CASZ1: variants seen among roughly 807,000 people sequenced by gnomAD.
CASZ1 encodes zinc finger protein castor homolog 1.
Under a neutral mutation model 135.2 loss-of-function variants are expected in CASZ1, and 28 were observed. The observed-to-expected ratio is 0.21, with a 90% confidence interval of 0.15 to 0.28. The LOEUF (loss-of-function observed/expected upper bound fraction) is 0.28, where lower values mean the gene tolerates loss of function less well. CASZ1 is among the 10% of genes least tolerant of loss of function. CASZ1 has a pLI of 1.00. For synonymous variants in CASZ1, 1,068 were observed against 1,073.4 expected (o/e 0.99, Z 0.10); for missense variants, 2,161 against 2,453.3 (o/e 0.88, Z 2.52).
intron 1 of CASZ1, among the ~76,000 whole-genome samples, chr1:10,763,502 C>T (rs1432912987): frequency 6.6e-6 from 1 of 152,154 alleles, no homozygotes; most frequent in Admixed American, 6.5e-5. Flanking sequence ...TCTAGAAATG[C>T]CCAGAATCAC....
chr1:10,756,122 G>A lies in CASZ1; in HGVS notation c.-77+4579C>T, dbSNP rs1640250879. Among the ~76,000 whole-genome samples the A allele has an allele frequency of 6.6e-6, 1 of 152,042 alleles. No homozygotes were observed. The highest frequency in any genetic ancestry group is 1.5e-5 in the Non-Finnish European group (1 of 67,990). On this transcript the variant is annotated intron_variant, in intron 2 of 20. Coordinates refer to ENST00000377022, the MANE Select transcript of CASZ1 (RefSeq NM_001079843.3). This position sits in a 1 kb window ranked among gnomAD's most constrained non-coding sequence, Gnocchi z 5.9. ...GGAAGACTGGCTGACACGCCCCTCG[G>A]AGCCAGGCAGAGGCACCAGCTGTAG...
At position 10,720,973 on chromosome 1, in the gene CASZ1, A is replaced by T. The variant is rs1297168003; in HGVS notation, c.-76-15429T>A. 1.3e-5 allele frequency among the ~76,000 whole-genome samples: 2 copies of T among 152,146 alleles called. No individual in the cohort carries two copies. Among genetic ancestry groups the T allele is most frequent in the African/African-American group, 4.8e-5 (2 of 41,438 alleles). ...AGGGAAGTTCACCCTGCTCAGGGCC[A>T]CAACCGGCTCTGGAGGGAGGGATTT... is the stretch of plus-strand genomic sequence containing the variant. On this transcript the variant is annotated intron_variant, in intron 2 of 20. Coordinates refer to ENST00000377022, the MANE Select transcript of CASZ1 (RefSeq NM_001079843.3). This position sits in a 1 kb window ranked among gnomAD's most constrained non-coding sequence, Gnocchi z 5.7.
chr1:10,755,885 T>C lies in CASZ1; in HGVS notation c.-77+4816A>G, dbSNP rs373162132. Among the ~76,000 whole-genome samples the C allele has an allele frequency of 2.2e-5, 3 of 138,014 alleles. No individual in the cohort carries two copies. In the South Asian group the frequency reaches 8.0e-4, roughly 37 times the overall value. 90.5% of individuals were successfully genotyped at this position (138,014 alleles called of 152,430 possible). ...CACCCCCCACCCCAGCTGCAGGCCATGGAGCTGCCAGCCTCACATCAGATC... is the reference window on the plus strand; with the variant it reads ...CACCCCCCACCCCAGCTGCAGGCCACGGAGCTGCCAGCCTCACATCAGATC... On this transcript the variant is annotated intron_variant, in intron 2 of 20. Coordinates refer to ENST00000377022, the MANE Select transcript of CASZ1 (RefSeq NM_001079843.3). The surrounding 1 kb of genome is among the most constrained non-coding windows in gnomAD (Gnocchi z 4.3).
intron 2 of CASZ1, among the ~76,000 whole-genome samples, chr1:10,748,110 G>A (rs776455932): frequency 2.0e-5 from 3 of 152,104 alleles, no homozygotes; most frequent in Non-Finnish European, 2.9e-5. Flanking sequence ...GAGCCACTGC[G>A]CCCGGCCATG....
chr1:10,748,708 G>T lies in CASZ1; in HGVS notation c.-77+11993C>A, dbSNP rs534670520. 2.0e-5 allele frequency among the ~76,000 whole-genome samples: 3 copies of T among 152,168 alleles called. No individual in the cohort carries two copies. The East Asian group carries it at 5.8e-4, about 29-fold the overall frequency. ...TCACCACTGCTTGCTCCTCGTCTGG[G>T]GTCTCTGACCACTGGTTTTATGCCT... On this transcript the variant is annotated intron_variant, in intron 2 of 20. Coordinates refer to ENST00000377022, the MANE Select transcript of CASZ1 (RefSeq NM_001079843.3).
intron 1 of CASZ1, among the ~76,000 whole-genome samples, chr1:10,783,741 G>A (rs1402788423): frequency 1.3e-5 from 2 of 151,734 alleles, no homozygotes; most frequent in African/African-American, 2.4e-5. Context: ...GCGTGGTGAC[G>A]CACGCCTGTA....
chr1:10,640,302 G>C (rs568952505), intron 20 of CASZ1, among the ~76,000 whole-genome samples: 41 of 152,020 alleles, frequency 2.7e-4, no homozygotes, highest in East Asian at 1.2e-3. Context: ...CCTCTCCCCC[G>C]GGGGGTGGCA....
chr1:10,714,163 C>T (rs900938333), intron 2 of CASZ1, among the ~76,000 whole-genome samples: 4 of 151,984 alleles, frequency 2.6e-5, no homozygotes, highest in Non-Finnish European at 4.4e-5. Context: ...AAAAATTAGC[C>T]GGTGTGGTGG....
intron 4 of CASZ1, among the ~76,000 whole-genome samples, chr1:10,667,146 C>T (rs1337941729): frequency 6.6e-6 from 1 of 152,208 alleles, no homozygotes; most frequent in African/African-American, 2.4e-5. Context: ...AATGGCAATA[C>T]CTGGGTCCAC....
In CASZ1 at chr1:10,638,879, G is replaced by T. The variant is rs1209788242; in HGVS notation, c.*63C>A. 1 of 981,670 alleles carries T rather than the reference G, an allele frequency of 1.0e-6. No homozygotes were observed. Among genetic ancestry groups the T allele is most frequent in the African/African-American group, 1.8e-5 (1 of 56,674 alleles). The allele number at this position is 981,670 out of a possible 1,614,324, so 60.8% of individuals were successfully genotyped here. ...GGGCTCTGCCCAGGGGCCGCTTCGC[G>T]CGGGGCGGCGCCGCTCCCGAGGCCG... On this transcript the variant is annotated 3_prime_UTR_variant, in exon 21 of 21. Transcript: ENST00000377022. This position sits in a 1 kb window ranked among gnomAD's most constrained non-coding sequence, Gnocchi z 5.9.
intron 1 of CASZ1, among the ~76,000 whole-genome samples, chr1:10,769,296 G>A (rs895543901): frequency 6.6e-6 from 1 of 152,352 alleles, no homozygotes; most frequent in Non-Finnish European, 1.5e-5. Flanking sequence ...GTCCCACACA[G>A]CAGCCACTGG....
chr1:10,710,547 A>G (rs1266103471), intron 2 of CASZ1, among the ~76,000 whole-genome samples: 1 of 152,204 alleles, frequency 6.6e-6, no homozygotes, highest in Non-Finnish European at 1.5e-5. Context: ...GGTTCTGGCA[A>G]AGGAGTCAGC....
chr1:10,748,020 G>A (rs1022925967), intron 2 of CASZ1, among the ~76,000 whole-genome samples: 4 of 152,082 alleles, frequency 2.6e-5, no homozygotes, highest in African/African-American at 4.8e-5. Context: ...GGGTTTCACC[G>A]TGTTAGCCAG....
At chr1:10,760,007 G>A (rs1478621253) in intron 2 of CASZ1, among the ~76,000 whole-genome samples, 1 of 152,160 alleles carries the variant, frequency 6.6e-6, no homozygotes, top group Non-Finnish European at 1.5e-5. Flanking sequence ...GAACTGCCAC[G>A]TTTGATACCT....
At chr1:10,723,440 A>T (rs1195570724) in intron 2 of CASZ1, among the ~76,000 whole-genome samples, 2 of 152,184 alleles carry the variant, frequency 1.3e-5, no homozygotes, top group Non-Finnish European at 2.9e-5. Context: ...AACCACCCAT[A>T]AAACAGAGGA....
At chr1:10,662,108 A>G (rs1467118263) in intron 5 of CASZ1, among the ~76,000 whole-genome samples, 1 of 151,604 alleles carries the variant, frequency 6.6e-6, no homozygotes, top group Non-Finnish European at 1.5e-5. Flanking sequence ...ACATGCACAC[A>G]ATGACATACA....
At position 10,699,909 on chromosome 1, in the gene CASZ1, A is replaced by T. The variant is rs1167228825; in HGVS notation, c.-24+5583T>A. Among the ~76,000 whole-genome samples the T allele has an allele frequency of 6.6e-6, 1 of 152,102 alleles. No homozygotes were observed. Among genetic ancestry groups the T allele is most frequent in the Non-Finnish European group, 1.5e-5 (1 of 68,042 alleles). On this transcript the variant is annotated intron_variant, in intron 3 of 20. Transcript: ENST00000377022. This position sits in a 1 kb window ranked among gnomAD's most constrained non-coding sequence, Gnocchi z 4.6. ...TTTTGGGGTGGAAACGTGGAGTGTG[A>T]GAGAAGAGAGAGGTAGGTGGGAAGA...
chr1:10,753,289 A>T (rs1640183222), intron 2 of CASZ1, among the ~76,000 whole-genome samples: 1 of 152,136 alleles, frequency 6.6e-6, no homozygotes. Context: ...GGGGGAGTGG[A>T]GGTCCCTGTC....
At chr1:10,780,251 A>G (rs1640739641) in intron 1 of CASZ1, among the ~76,000 whole-genome samples, 1 of 152,254 alleles carries the variant, frequency 6.6e-6, no homozygotes, top group Non-Finnish European at 1.5e-5. Flanking sequence ...GGAAAATGGT[A>G]CAAATATTCC....
Sources: gnomAD v4.1 joint callset for allele counts (sites outside exome capture counted in the v4.1 genomes callset) on GRCh38, gnomAD v4.1.1 for gene constraint, Gnocchi (gnomAD v3.1) non-coding constraint, MANE v1.5 for transcripts, NCBI Gene and HGNC (gene_info 2026-07-23, HGNC 2026-07-21) for gene names.